The following SLC41A2 variants were observed in gnomAD, a reference collection of about 807,000 sequenced individuals.
The protein encoded by SLC41A2 is solute carrier family 41 member 2.
Under a neutral mutation model 58.3 loss-of-function variants are expected in SLC41A2, and 32 were observed. That is an observed-to-expected ratio of 0.55 (90% CI 0.41 to 0.74). The LOEUF (loss-of-function observed/expected upper bound fraction) is 0.74, where lower values mean the gene tolerates loss of function less well. Ranked by LOEUF, SLC41A2 falls within the 30% of genes least tolerant of loss-of-function variation. The probability of loss-of-function intolerance (pLI) is 0.00; values close to 1 mark genes in which losing one functional copy is unlikely to be tolerated. For synonymous variants in SLC41A2, 190 were observed against 235.0 expected (o/e 0.81, Z 1.75); for missense variants, 514 against 680.6 (o/e 0.76, Z 2.72).
chr12:104,928,532 T>C lies in SLC41A2; in HGVS notation c.-5A>G, dbSNP rs2046940457. On this transcript the variant is annotated 5_prime_UTR_variant, in exon 2 of 11. Transcript: ENST00000258538. ...TCTTCCTTTACTATTAGTCATATTGTCATCACAAAAGACCCTGTACTCCTT... is the reference window on the plus strand; with the variant it reads ...TCTTCCTTTACTATTAGTCATATTGCCATCACAAAAGACCCTGTACTCCTT... 6 of 1,478,976 alleles carry C rather than the reference T, an allele frequency of 4.1e-6. No individual in the cohort carries two copies. Among genetic ancestry groups the C allele is most frequent in the Non-Finnish European group, 4.5e-6 (5 of 1,112,910 alleles). The allele number at this position is 1,478,976 out of a possible 1,614,324, so 91.6% of individuals were successfully genotyped here. A position where few individuals can be genotyped will look rare whatever the true frequency, so the allele number is the denominator to read the frequency against.
At chr12:104,842,530 A>C (rs756285540) in intron 10 of SLC41A2, among the ~76,000 whole-genome samples, 1 of 152,156 alleles carries the variant, frequency 6.6e-6, no homozygotes, top group Non-Finnish European at 1.5e-5. Context: ...GCGTCAGCTA[A>C]CACTTATATA....
intron 7 of SLC41A2, among the ~76,000 whole-genome samples, chr12:104,864,100 T>A (rs1339458373): frequency 6.6e-6 from 1 of 152,140 alleles, no homozygotes; most frequent in Non-Finnish European, 1.5e-5. Context: ...CTATGTACTA[T>A]AACAAAAGCC....
At position 104,885,606 on chromosome 12, in the gene SLC41A2, C is replaced by T. The variant is rs2044617824; in HGVS notation, c.1027+687G>A. ...AATTTGGCATCTAAAAATAATAAAA[C>T]CACAATGAACTTTTAGCATGTCATC... is the stretch of plus-strand genomic sequence containing the variant. On this transcript the variant is annotated intron_variant, in intron 6 of 10. Transcript: ENST00000258538. Among the ~76,000 whole-genome samples, 6 of 152,050 alleles carry T rather than the reference C, an allele frequency of 3.9e-5. No individual in the cohort carries two copies. In the South Asian group the frequency reaches 1.2e-3, roughly 31 times the overall value.
intron 2 of SLC41A2, among the ~76,000 whole-genome samples, chr12:104,916,085 T>C (rs2046306962): frequency 6.6e-6 from 1 of 152,206 alleles, no homozygotes; most frequent in South Asian, 2.1e-4. Context: ...TTGATTTGCG[T>C]ATATTGAATC....
At chr12:104,860,124 T>G (rs1273479258) in intron 8 of SLC41A2, among the ~76,000 whole-genome samples, 1 of 152,070 alleles carries the variant, frequency 6.6e-6, no homozygotes, top group Non-Finnish European at 1.5e-5. Context: ...TTTCCCCAAG[T>G]AGAATTACTT....
In SLC41A2 at chr12:104,894,417, G is replaced by A. The variant is rs141448757; in HGVS notation, c.735+857C>T. Among the ~76,000 whole-genome samples the A allele has an allele frequency of 5.1e-3, 780 of 152,042 alleles. 8 individuals carry two copies. The highest frequency in any genetic ancestry group is 0.018 in the African/African-American group (745 of 41,500). On this transcript the variant is annotated intron_variant, in intron 4 of 10. Transcript: ENST00000258538. The stretch of plus-strand genomic sequence containing the variant: ...AAAAAAATAAATAAAAGAGAAAAGT[G>A]AAGCCCAGAAAAGTTAAATAGATTA...
At chr12:104,890,973 G>C (rs2044933910) in intron 4 of SLC41A2, among the ~76,000 whole-genome samples, 2 of 152,120 alleles carry the variant, frequency 1.3e-5, no homozygotes, top group Admixed American at 1.3e-4. Flanking sequence ...CCAGGCAGAG[G>C]AGGCTTGTGC....
intron 10 of SLC41A2, among the ~76,000 whole-genome samples, chr12:104,814,357 C>T (rs2041302495): frequency 6.6e-6 from 1 of 152,202 alleles, no homozygotes. Context: ...TGCACTCCAG[C>T]CTGGGTGAAA....
chr12:104,890,876 G>A (rs373127722), intron 4 of SLC41A2, among the ~76,000 whole-genome samples: 7 of 152,304 alleles, frequency 4.6e-5, no homozygotes, highest in African/African-American at 1.7e-4. Context: ...ATTTAACAGT[G>A]AGAAGAGCAC....
chr12:104,824,441 G>A (rs1001712968), intron 10 of SLC41A2, among the ~76,000 whole-genome samples: 10 of 152,144 alleles, frequency 6.6e-5, no homozygotes, highest in East Asian at 3.9e-4. Context: ...GCCTCCAAGC[G>A]GCCCGACTCC....
rs1491221066 is a variant in SLC41A2 at position 104,866,380 on chromosome 12, GTA to G, written c.1175+50_1175+51del. On this transcript the variant is annotated intron_variant, in intron 7 of 10. Transcript: ENST00000258538. The stretch of plus-strand genomic sequence containing the variant: ...AGAAGACACACAAAGACAGACAGAC[GTA>G]CACACACACACACACACACACACAC... The G allele has an allele frequency of 1.8e-3, 2,527 of 1,380,820 alleles. 12 individuals carry two copies. The African/African-American group carries it at 0.029, about 16-fold the overall frequency. 85.5% of individuals were successfully genotyped at this position (1,380,820 alleles called of 1,614,324 possible).
chr12:104,833,773 G>A (rs2042116938), intron 10 of SLC41A2, among the ~76,000 whole-genome samples: 1 of 148,150 alleles, frequency 6.7e-6, no homozygotes, highest in South Asian at 2.1e-4. Context: ...AATCATTCAG[G>A]TCAGTGTTTT....
intron 2 of SLC41A2, among the ~76,000 whole-genome samples, chr12:104,920,414 A>G (rs765564014): frequency 1.3e-5 from 2 of 152,100 alleles, no homozygotes; most frequent in Non-Finnish European, 2.9e-5. Context: ...GAAATTTAAC[A>G]AAGAGATTGA....
chr12:104,871,953 AG>A (rs1276695207), intron 6 of SLC41A2, among the ~76,000 whole-genome samples: 3 of 152,220 alleles, frequency 2.0e-5, no homozygotes, highest in African/African-American at 7.2e-5. Context: ...TAAGTGTTAT[AG>A]GAATTCAGAG....
In SLC41A2 at chr12:104,866,525, G is replaced by C. The variant is rs1283561693; in HGVS notation, c.1082C>G (p.Pro361Arg). The change falls in exon 7 of 11, where the codon CCT (proline) becomes CGT (arginine). Residue 361 changes from proline to arginine, a missense_variant. Pro to Arg is a moderately radical substitution (Grantham distance 103). Transcript: ENST00000258538. Reference sequence around the variant, plus strand: ...TTTGGCAGCTATTATAATCCAAATAGGGGTTAGAGCCAAGAAAAATACACC... The same window carrying C: ...TTTGGCAGCTATTATAATCCAAATACGGGTTAGAGCCAAGAAAAATACACC... ...LVGVFFLALT[P>R]IWIIIAAKHP... 6.2e-7 allele frequency: 1 copy of C among 1,610,832 alleles called. No homozygotes were observed. The highest frequency in any genetic ancestry group is 8.5e-7 in the Non-Finnish European group (1 of 1,179,206).
At chr12:104,956,671 T>A (rs1434176233) in intron 1 of SLC41A2, among the ~76,000 whole-genome samples, 1 of 150,894 alleles carries the variant, frequency 6.6e-6, no homozygotes, top group Non-Finnish European at 1.5e-5. Context: ...AGACTGAGAG[T>A]CAGTCTCCAA....
intron 2 of SLC41A2, among the ~76,000 whole-genome samples, chr12:104,922,115 A>C (rs984668765): frequency 6.6e-6 from 1 of 152,206 alleles, no homozygotes; most frequent in African/African-American, 2.4e-5. Flanking sequence ...AGAAAGGAAG[A>C]GTTACAAAAC....
At chr12:104,920,570 A>G (rs1400039150) in intron 2 of SLC41A2, among the ~76,000 whole-genome samples, 3 of 152,098 alleles carry the variant, frequency 2.0e-5, no homozygotes, top group Non-Finnish European at 2.9e-5. Flanking sequence ...AGAAAAAAAG[A>G]AAAAGAAAAA....
intron 6 of SLC41A2, among the ~76,000 whole-genome samples, chr12:104,871,284 A>T (rs1406949084): frequency 6.6e-6 from 1 of 152,232 alleles, no homozygotes; most frequent in Non-Finnish European, 1.5e-5. Flanking sequence ...ATATGTGAAA[A>T]AGAATTTTTT....
Sources: gnomAD v4.1 joint callset for allele counts (sites outside exome capture counted in the v4.1 genomes callset) on GRCh38, gnomAD v4.1.1 for gene constraint, MANE v1.5 for transcripts, NCBI Gene and HGNC (gene_info 2026-07-23, HGNC 2026-07-21) for gene names.